The following C8orf34 variants were observed in gnomAD, a reference collection of about 807,000 sequenced individuals.
C8orf34 encodes the protein chromosome 8 open reading frame 34.
A neutral mutation model predicts 68.3 loss-of-function variants in C8orf34; 65 were observed. The ratio of observed to expected loss-of-function variants is 0.95; its 90% CI spans 0.78 to 1.17. The LOEUF (loss-of-function observed/expected upper bound fraction) is 1.17, where lower values mean the gene tolerates loss of function less well. Among genes scored for constraint, C8orf34 ranks in the 50% most tolerant of loss-of-function variants. The probability of loss-of-function intolerance (pLI) is 0.00; values close to 1 mark genes in which losing one functional copy is unlikely to be tolerated. For missense variants in C8orf34, 664 were observed against 655.4 expected, an observed-to-expected ratio of 1.01 and a Z score of -0.14; for synonymous variants, 244 against 241.2, an observed-to-expected ratio of 1.01 and a Z score of -0.11.
At chr8:68,580,470 G>A (rs992166494) in intron 7 of C8orf34, among the ~76,000 whole-genome samples, 12 of 152,142 alleles carry the variant, frequency 7.9e-5, no homozygotes, top group Admixed American at 5.2e-4. Flanking sequence ...AAAAACCCAG[G>A]AAACTTTATA....
At chr8:68,594,380 T>C (rs1817481490) in intron 7 of C8orf34, among the ~76,000 whole-genome samples, 1 of 152,100 alleles carries the variant, frequency 6.6e-6, no homozygotes, top group Non-Finnish European at 1.5e-5. Flanking sequence ...TTAAATATGA[T>C]TCCTACTTTC....
At chr8:68,768,232 C>T (rs140936643) in intron 10 of C8orf34, among the ~76,000 whole-genome samples, 397 of 152,302 alleles carry the variant, frequency 2.6e-3, no homozygotes, top group Non-Finnish European at 4.2e-3. Flanking sequence ...TCTCTGATAG[C>T]TTCCTTGCTA....
intron 1 of C8orf34, among the ~76,000 whole-genome samples, chr8:68,335,077 C>A (rs1805790347): frequency 6.6e-6 from 1 of 152,098 alleles, no homozygotes; most frequent in Non-Finnish European, 1.5e-5. Flanking sequence ...TTTCGTTGTT[C>A]CCCCTCTCAT....
intron 7 of C8orf34, among the ~76,000 whole-genome samples, chr8:68,609,984 G>A (rs959958473): frequency 1.3e-5 from 2 of 152,156 alleles, no homozygotes; most frequent in Non-Finnish European, 2.9e-5. Context: ...ATTAGGGATA[G>A]ATAAGGGCTG....
At chr8:68,622,070 G>A (rs1818404225) in intron 7 of C8orf34, among the ~76,000 whole-genome samples, 1 of 152,222 alleles carries the variant, frequency 6.6e-6, no homozygotes, top group East Asian at 1.9e-4. Flanking sequence ...GTTGTTGACA[G>A]AATTCAGTTC....
chr8:68,413,435 G>A (rs572167976), intron 1 of C8orf34, among the ~76,000 whole-genome samples: 2 of 152,288 alleles, frequency 1.3e-5, no homozygotes, highest in African/African-American at 4.8e-5. Flanking sequence ...ACAAATAAAA[G>A]CACCAGTTAT....
intron 1 of C8orf34, among the ~76,000 whole-genome samples, chr8:68,343,986 C>T (rs560617814): frequency 1.4e-4 from 21 of 152,246 alleles, no homozygotes; most frequent in African/African-American, 4.8e-4. Context: ...CTCGGCCTCC[C>T]AAAGTTCTGA....
intron 8 of C8orf34, among the ~76,000 whole-genome samples, chr8:68,658,994 CA>C (rs1321187971): frequency 6.6e-6 from 1 of 152,108 alleles, no homozygotes; most frequent in African/African-American, 2.4e-5. Flanking sequence ...GTATTTTCTT[CA>C]TGTACTTTAC....
intron 7 of C8orf34, among the ~76,000 whole-genome samples, chr8:68,621,476 A>C (rs994801097): frequency 6.6e-6 from 1 of 152,234 alleles, no homozygotes; most frequent in Non-Finnish European, 1.5e-5. Flanking sequence ...TTTATAAATA[A>C]TTTAGACTTT....
At chr8:68,581,666 G>T (rs920327707) in intron 7 of C8orf34, among the ~76,000 whole-genome samples, 1 of 152,146 alleles carries the variant, frequency 6.6e-6, no homozygotes, top group Non-Finnish European at 1.5e-5. Context: ...TGATCAGGAA[G>T]CATCATGAAA....
chr8:68,576,045 A>G (rs114167335), intron 7 of C8orf34, among the ~76,000 whole-genome samples: 2,177 of 150,572 alleles, frequency 0.014, 56 homozygotes, highest in African/African-American at 0.049. Flanking sequence ...GCCAATCACA[A>G]AGTTTTCTAG....
At chr8:68,648,771 G>A (rs988884894) in intron 8 of C8orf34, among the ~76,000 whole-genome samples, 3 of 152,142 alleles carry the variant, frequency 2.0e-5, no homozygotes, top group African/African-American at 7.2e-5. Context: ...GAACTGATTT[G>A]TCTCATGTAA....
chr8:68,572,310 G>A (rs899627384), intron 7 of C8orf34, among the ~76,000 whole-genome samples: 4 of 151,324 alleles, frequency 2.6e-5, no homozygotes, highest in Admixed American at 2.6e-4. Flanking sequence ...TTCAATAATT[G>A]GTCTTCTTAA....
intron 7 of C8orf34, among the ~76,000 whole-genome samples, chr8:68,577,918 A>G (rs962875263): frequency 1.3e-5 from 2 of 151,958 alleles, no homozygotes; most frequent in African/African-American, 4.8e-5. Context: ...CTGAAATGTG[A>G]ACAGTGGCTC....
chr8:68,504,746 C>G (rs1813931901), intron 5 of C8orf34, among the ~76,000 whole-genome samples: 1 of 149,494 alleles, frequency 6.7e-6, no homozygotes, highest in South Asian at 2.1e-4. Flanking sequence ...GTGGTGTGAT[C>G]TCAGCTCACT....
At chr8:68,334,692 A>G (rs1215182414) in intron 1 of C8orf34, among the ~76,000 whole-genome samples, 2 of 152,292 alleles carry the variant, frequency 1.3e-5, no homozygotes, top group East Asian at 3.9e-4. Context: ...TGTGGCAAAC[A>G]AAAGTCACTA....
intron 7 of C8orf34, among the ~76,000 whole-genome samples, chr8:68,548,348 G>C (rs1815955022): frequency 6.6e-6 from 1 of 151,634 alleles, no homozygotes; most frequent in Non-Finnish European, 1.5e-5. Flanking sequence ...TTTTTAAAAA[G>C]ACAACCTAAT....
intron 7 of C8orf34, among the ~76,000 whole-genome samples, chr8:68,617,964 C>A (rs972604983): frequency 6.6e-6 from 1 of 152,134 alleles, no homozygotes; most frequent in Admixed American, 6.5e-5. Context: ...TCCCATATTT[C>A]TTGGAGGCTT....
intron 1 of C8orf34, among the ~76,000 whole-genome samples, chr8:68,379,904 T>A (rs1220997322): frequency 6.6e-6 from 1 of 152,154 alleles, no homozygotes; most frequent in African/African-American, 2.4e-5. Flanking sequence ...CAAGCTGGAG[T>A]GCAGTGGCAC....
Sources: gnomAD v4.1 joint callset for allele counts (sites outside exome capture counted in the v4.1 genomes callset) on GRCh38, gnomAD v4.1.1 for gene constraint, MANE v1.5 for transcripts, NCBI Gene and HGNC (gene_info 2026-07-23, HGNC 2026-07-21) for gene names.